The following MALRD1 variants were observed in gnomAD, a reference collection of about 807,000 sequenced individuals.
The protein encoded by MALRD1 is MAM and LDL-receptor class A domain-containing protein 1.
A neutral mutation model predicts 242.1 loss-of-function variants in MALRD1; 247 were observed. The observed-to-expected ratio is 1.02, with a 90% CI of 0.92 to 1.13. MALRD1 has a LOEUF of 1.13. Ranked by LOEUF, MALRD1 falls within the 50% of genes most tolerant of loss-of-function variation. MALRD1 has a pLI of 0.00. For synonymous variants in MALRD1, 995 were observed against 866.6 expected (o/e 1.15, Z -2.60); for missense variants, 2,989 against 2,533.1 (o/e 1.18, Z -3.86).
intron 34 of MALRD1, among the ~76,000 whole-genome samples, chr10:19,598,634 C>T (rs186480943): frequency 6.6e-6 from 1 of 152,006 alleles, no homozygotes; most frequent in East Asian, 1.9e-4. Context: ...GAGACCCATG[C>T]ACATGAAAAG....
In MALRD1 at chr10:19,630,185, T is replaced by C. The variant is rs75568257; in HGVS notation, c.6137+14262T>C. ...TCCATCAGGGAAAAGAAGGAGATAA[T>C]GAAACTGGTTTATGTTCCTAAGTTT... On this transcript the variant is annotated intron_variant, in intron 36 of 39. Transcript: ENST00000454679. Among the ~76,000 whole-genome samples the C allele has an allele frequency of 3.6e-3, 545 of 152,254 alleles. 7 individuals are homozygous for C. In the East Asian group the frequency reaches 0.059, roughly 17 times the overall value.
At chr10:19,623,090 A>T (rs1364924162) in intron 36 of MALRD1, among the ~76,000 whole-genome samples, 3 of 152,078 alleles carry the variant, frequency 2.0e-5, no homozygotes, top group African/African-American at 7.2e-5. Context: ...TGAATGTAGG[A>T]AAAAGCTTTT....
intron 26 of MALRD1, among the ~76,000 whole-genome samples, chr10:19,377,778 A>C (rs1034527836): frequency 6.6e-6 from 1 of 152,142 alleles, no homozygotes; most frequent in Non-Finnish European, 1.5e-5. Context: ...ATTATTTCTG[A>C]GTATTTTGTT....
intron 10 of MALRD1, 121 bp downstream of exon 10, chr10:19,136,902 T>C: frequency 1.7e-6 from 1 of 583,446 alleles, no homozygotes. Flanking sequence ...GTGATAAATA[T>C]GCATTATCGC....
intron 14 of MALRD1, among the ~76,000 whole-genome samples, chr10:19,195,221 C>A (rs1179520785): frequency 6.6e-6 from 1 of 152,158 alleles, no homozygotes; most frequent in East Asian, 1.9e-4. Context: ...ATGGGGATTA[C>A]TAAAAGCAAT....
chr10:19,576,116 A>G (rs1836810978), intron 33 of MALRD1, among the ~76,000 whole-genome samples: 1 of 152,258 alleles, frequency 6.6e-6, no homozygotes, highest in Admixed American at 6.5e-5. Context: ...ATGAGCAGGA[A>G]GCAAGTGAGG....
At chr10:19,419,879 C>T (rs1403099859) in intron 28 of MALRD1, among the ~76,000 whole-genome samples, 1 of 152,000 alleles carries the variant, frequency 6.6e-6, no homozygotes, top group Non-Finnish European at 1.5e-5. Context: ...AAACTAAATA[C>T]TATCCTACTA....
chr10:19,709,168 G>T (rs1160926302), intron 38 of MALRD1, among the ~76,000 whole-genome samples: 1 of 149,616 alleles, frequency 6.7e-6, no homozygotes, highest in African/African-American at 2.5e-5. Context: ...TGCTTTGGGA[G>T]GCCAAGGTGG....
chr10:19,055,885 T>A (rs1834649214), intron 1 of MALRD1, among the ~76,000 whole-genome samples: 1 of 152,208 alleles, frequency 6.6e-6, no homozygotes, highest in Admixed American at 6.5e-5. Flanking sequence ...AAAAACCACC[T>A]ATTGCGTACT....
rs1255637138 is a variant in MALRD1 at position 19,331,564 on chromosome 10, G to A, written c.3883G>A (p.Glu1295Lys). The A allele has an allele frequency of 1.3e-6, 2 of 1,550,162 alleles. No individual in the cohort carries two copies. The highest frequency in any genetic ancestry group is 1.7e-6 in the Non-Finnish European group (2 of 1,146,734). ...GAATGATTGTGCTGATAATTCAGAT[G>A]AGACTACTTTCATTTGCCGTAAGTA... is the stretch of plus-strand genomic sequence containing the variant. ...FVNDCADNSD[E>K]TTFICRTSSG... Residue 1295 changes from glutamate to lysine, a missense_variant, in exon 24 of 40, where the codon GAG becomes AAG. By Grantham distance (56) the Glu-to-Lys change is moderately conservative. Transcript: ENST00000454679.
At chr10:19,448,548 C>A (rs183367176) in intron 28 of MALRD1, among the ~76,000 whole-genome samples, 67 of 152,168 alleles carry the variant, frequency 4.4e-4, no homozygotes, top group Middle Eastern at 3.4e-3. Context: ...TCAGCCTTGT[C>A]CTGTGCTCAA....
chr10:19,353,654 G>T (rs1371256462), intron 26 of MALRD1, among the ~76,000 whole-genome samples: 1 of 152,140 alleles, frequency 6.6e-6, no homozygotes, highest in Non-Finnish European at 1.5e-5. Flanking sequence ...TAATGAAAGG[G>T]AAATATACAT....
At chr10:19,545,226 G>C (rs1009313747) in intron 32 of MALRD1, among the ~76,000 whole-genome samples, 4 of 152,056 alleles carry the variant, frequency 2.6e-5, no homozygotes, top group African/African-American at 7.2e-5. Context: ...TTGGATTAGA[G>C]CCTACCCTAA....
intron 20 of MALRD1, among the ~76,000 whole-genome samples, chr10:19,280,916 G>A (rs754712569): frequency 5.3e-5 from 8 of 152,170 alleles, no homozygotes; most frequent in Non-Finnish European, 1.0e-4. Context: ...TCTTCATGGA[G>A]TAGCCTGTGA....
At chr10:19,548,996 T>C (rs1245115122) in intron 32 of MALRD1, among the ~76,000 whole-genome samples, 2 of 152,138 alleles carry the variant, frequency 1.3e-5, no homozygotes, top group East Asian at 3.9e-4. Flanking sequence ...GCTACTCCAG[T>C]GAACACACAC....
At chr10:19,692,023 C>A (rs564850138) in intron 36 of MALRD1, among the ~76,000 whole-genome samples, 2 of 151,872 alleles carry the variant, frequency 1.3e-5, no homozygotes, top group East Asian at 3.9e-4. Flanking sequence ...AAACAAAGAA[C>A]GATGTGGAAA....
chr10:19,145,560 T>C (rs905618376), intron 10 of MALRD1, among the ~76,000 whole-genome samples: 2 of 151,586 alleles, frequency 1.3e-5, no homozygotes, highest in Admixed American at 1.3e-4. Context: ...GCAGGAGAAT[T>C]GCTTGAACCC....
At chr10:19,447,455 T>TC (rs1229616157) in intron 28 of MALRD1, among the ~76,000 whole-genome samples, 3 of 152,226 alleles carry the variant, frequency 2.0e-5, no homozygotes, top group African/African-American at 2.4e-5. Flanking sequence ...CATTTTTTTT[T>TC]CTAACACATA....
chr10:19,096,013 G>A (rs1352695085), intron 4 of MALRD1, among the ~76,000 whole-genome samples: 1 of 152,082 alleles, frequency 6.6e-6, no homozygotes, highest in African/African-American at 2.4e-5. Flanking sequence ...TTTCAACTTT[G>A]AAACAGAGCT....
Sources: gnomAD v4.1 joint callset for allele counts (sites outside exome capture counted in the v4.1 genomes callset) on GRCh38, gnomAD v4.1.1 for gene constraint, MANE v1.5 for transcripts, NCBI Gene and HGNC (gene_info 2026-07-23, HGNC 2026-07-21) for gene names.